SMURF1: variants seen among roughly 807,000 people sequenced by gnomAD.
SMURF1 encodes the protein SMAD specific E3 ubiquitin protein ligase 1, also known as E3 ubiquitin-protein ligase SMURF1.
Under a neutral mutation model 98.0 loss-of-function variants are expected in SMURF1, and 44 were observed. The ratio of observed to expected loss-of-function variants is 0.45; its 90% CI spans 0.35 to 0.58. The LOEUF (loss-of-function observed/expected upper bound fraction) is 0.58. Among genes scored for constraint, SMURF1 ranks in the 20% least tolerant of loss-of-function variants. The probability of loss-of-function intolerance (pLI) is 0.00; values close to 1 mark genes in which losing one functional copy is unlikely to be tolerated. For synonymous variants in SMURF1, 396 were observed against 374.9 expected, an observed-to-expected ratio of 1.06 and a Z score of -0.65; for missense variants, 687 against 938.4, an observed-to-expected ratio of 0.73 and a Z score of 3.50.
At chr7:99,126,470 A>T (rs1797747908) in intron 1 of SMURF1, among the ~76,000 whole-genome samples, 1 of 151,906 alleles carries the variant, frequency 6.6e-6, no homozygotes, top group African/African-American at 2.4e-5. Flanking sequence ...AGCCTGGCCA[A>T]CATGGTGAAA....
rs1478792918 is a variant in SMURF1, at chr7:99,049,573, G to C, written c.943C>G (p.His315Asp). Residue 315 changes from histidine to aspartate, a missense_variant, in exon 9 of 18, where the codon CAC becomes GAC. By Grantham distance (81) the His-to-Asp change is moderately conservative. Transcript: ENST00000361368. The part of the protein sequence containing the change: ...TTQFTDPRLH[H>D]IMNHQCQLKE... ...TTTTTAAAGTCTTACTTCATGATGTGGTGTAACCTTGGGTCTGTAAACTGG... is the reference window on the plus strand; with the variant it reads ...TTTTTAAAGTCTTACTTCATGATGTCGTGTAACCTTGGGTCTGTAAACTGG... 5 of 1,613,782 alleles carry C rather than the reference G, an allele frequency of 3.1e-6. No homozygotes were observed. The African/African-American group carries it at 6.7e-5, about 22-fold the overall frequency.
intron 16 of SMURF1, chr7:99,035,296 T>G: frequency 3.4e-6 from 2 of 592,284 alleles, no homozygotes; most frequent in Non-Finnish European, 3.0e-6. Flanking sequence ...TGCCCTGGAG[T>G]GGCTCCACAG....
intron 1 of SMURF1, among the ~76,000 whole-genome samples, chr7:99,106,710 A>G (rs1432870206): frequency 6.6e-6 from 1 of 152,188 alleles, no homozygotes; most frequent in African/African-American, 2.4e-5. Flanking sequence ...CTGGGAGTTC[A>G]AATCCAGCCT....
At chr7:99,038,132 G>T (rs1383787032) in intron 14 of SMURF1, among the ~76,000 whole-genome samples, 1 of 151,788 alleles carries the variant, frequency 6.6e-6, no homozygotes, top group South Asian at 2.1e-4. Context: ...CCAGAATTAG[G>T]TGGTCACTGA....
chr7:99,142,377 A>C (rs1798141872), intron 1 of SMURF1, among the ~76,000 whole-genome samples: 2 of 151,842 alleles, frequency 1.3e-5, no homozygotes. Flanking sequence ...AAAATTGAAG[A>C]AGCAGAGTTA....
chr7:99,095,766 C>G (rs2056658), intron 1 of SMURF1, among the ~76,000 whole-genome samples: 110,662 of 152,132 alleles, frequency 0.73, 44,827 homozygotes, highest in South Asian at 0.93. Flanking sequence ...ATGAGAATTG[C>G]GCACTTAGCA....
intron 1 of SMURF1, among the ~76,000 whole-genome samples, chr7:99,102,629 A>G (rs1363319501): frequency 6.6e-6 from 1 of 152,176 alleles, no homozygotes. Flanking sequence ...TCCTTAATCT[A>G]TTTTTCTTAT....
chr7:99,093,152 G>A (rs1006498740), intron 1 of SMURF1, among the ~76,000 whole-genome samples: 7 of 152,074 alleles, frequency 4.6e-5, no homozygotes, highest in Admixed American at 6.6e-5. Context: ...CTCCAAAAAC[G>A]GAGGAGAGAA....
intron 1 of SMURF1, among the ~76,000 whole-genome samples, chr7:99,092,282 C>T (rs559465517): frequency 1.2e-4 from 18 of 152,282 alleles, no homozygotes; most frequent in South Asian, 8.3e-4. Context: ...CATATTTATA[C>T]CCATTTTATA....
chr7:99,135,828 G>A (rs1797980068), intron 1 of SMURF1, among the ~76,000 whole-genome samples: 1 of 152,158 alleles, frequency 6.6e-6, no homozygotes, highest in African/African-American at 2.4e-5. Context: ...ACTGCTCTTG[G>A]TACCTACTCT....
At chr7:99,138,891 C>T (rs1798053211) in intron 1 of SMURF1, among the ~76,000 whole-genome samples, 1 of 152,202 alleles carries the variant, frequency 6.6e-6, no homozygotes, top group African/African-American at 2.4e-5. Flanking sequence ...ACCCATCCTA[C>T]ACCTTCCAAT....
rs1007834020 is a variant in SMURF1 at position 99,131,946 on chromosome 7, T to C, written c.55+11780A>G. On this transcript the variant is annotated intron_variant, in intron 1 of 17. Transcript: ENST00000361368. ...GTTATTCAAGATGCAACCGCAAAGC[T>C]TGGGCAAGGGGCAAATGAATGATGT... is the stretch of plus-strand genomic sequence containing the variant. Among the ~76,000 whole-genome samples the C allele has an allele frequency of 5.9e-5, 9 of 152,226 alleles. No individual in the cohort carries two copies. The East Asian group carries it at 1.2e-3, about 20-fold the overall frequency.
intron 1 of SMURF1, among the ~76,000 whole-genome samples, chr7:99,117,900 T>C (rs1437388908): frequency 6.6e-6 from 1 of 151,886 alleles, no homozygotes; most frequent in Non-Finnish European, 1.5e-5. Flanking sequence ...ACCAACATGC[T>C]GAAACCTGTC....
intron 1 of SMURF1, among the ~76,000 whole-genome samples, chr7:99,066,403 G>A (rs1300223252): frequency 1.3e-5 from 2 of 152,192 alleles, no homozygotes; most frequent in Admixed American, 1.3e-4. Context: ...CTCATACAAT[G>A]TTTGAGTTTA....
chr7:99,039,455 C>T (rs1795289413), intron 13 of SMURF1, among the ~76,000 whole-genome samples: 1 of 152,060 alleles, frequency 6.6e-6, no homozygotes, highest in East Asian at 2.0e-4. Context: ...AAGCAATTTT[C>T]CTGCCTCAGC....
rs763726751 is a variant in SMURF1 at position 99,057,503 on chromosome 7, C to T, written c.252G>A (p.Lys84=). The change falls in exon 4 of 18, where the codon AAG becomes AAA. Residue 84 remains lysine, a synonymous_variant. Coordinates refer to ENST00000361368, the MANE Select transcript of SMURF1 (RefSeq NM_181349.3). ...CAGCTCCCTGTTTCTTGTGAATTTT[C>T]TTATGGTTCCACACGCTAATGGTTA... The part of the protein sequence containing the change: ...DSITISVWNH[K]KIHKKQGAGF... 2 of 1,587,808 alleles carry T rather than the reference C, an allele frequency of 1.3e-6. No individual in the cohort carries two copies. The highest frequency in any genetic ancestry group is 2.0e-5 in the Admixed American group (1 of 50,412).
intron 1 of SMURF1, chr7:99,120,632 A>C (rs1239800986): frequency 6.6e-6 from 1 of 151,984 alleles, no homozygotes; most frequent in East Asian, 1.9e-4. Context: ...TGAAAAAAAA[A>C]AAAAACAAAC....
At chr7:99,078,702 C>G (rs1034188592) in intron 1 of SMURF1, among the ~76,000 whole-genome samples, 1 of 152,196 alleles carries the variant, frequency 6.6e-6, no homozygotes, top group African/African-American at 2.4e-5. Context: ...ACTGCGCATG[C>G]GAGGGGTCTA....
At chr7:99,035,362 C>T in intron 16 of SMURF1, 153 bp downstream of exon 16, 1 of 983,814 alleles carries the variant, frequency 1.0e-6, no homozygotes, top group South Asian at 1.6e-5. Context: ...CAGGTAACCA[C>T]CTCTGTAGGG....
Sources: allele counts gnomAD v4.1 joint callset (sites outside exome capture counted in the v4.1 genomes callset), GRCh38; gene constraint gnomAD v4.1.1; transcripts MANE v1.5; gene names NCBI Gene and HGNC (gene_info 2026-07-23, HGNC 2026-07-21).